Variants in PRG2 observed in about 807,000 individuals in gnomAD.
The protein encoded by PRG2 is bone marrow proteoglycan.
Under a neutral mutation model 24.7 loss-of-function variants are expected in PRG2, and 23 were observed. That is an observed-to-expected ratio of 0.93 (90% CI 0.67 to 1.32). The LOEUF is 1.32. PRG2 is among the 40% of genes most tolerant of loss of function. The probability of loss-of-function intolerance (pLI) is 0.00; values close to 1 mark genes in which losing one functional copy is unlikely to be tolerated. For missense variants in PRG2, 271 were observed against 280.9 expected (o/e 0.96, Z 0.25); for synonymous variants, 104 against 99.8 (o/e 1.04, Z -0.25).
chr11:57,390,553 A>G, intron 1 of PRG2, 43 bp downstream of exon 1: 3 of 981,080 alleles, frequency 3.1e-6, no homozygotes, highest in Non-Finnish European at 3.6e-6. Flanking sequence ...CTCCTGGGAG[A>G]ATAAACTGTC....
rs769026527 is a variant in PRG2, at chr11:57,387,429, C to T, written c.*46G>A. 9.2e-6 allele frequency: 14 copies of T among 1,515,590 alleles called. No homozygotes were observed. Among genetic ancestry groups the T allele is most frequent in the African/African-American group, 1.4e-5 (1 of 72,262 alleles). 93.9% of individuals were successfully genotyped at this position (1,515,590 alleles called of 1,614,324 possible). A position where few individuals can be genotyped will look rare whatever the true frequency, so the allele number is the denominator to read the frequency against. ...GGGATGGCAAGCAGAGGAGGGGAGGCAGCTGCCCAGGAGAGGGCAGCTCTG... is the reference window on the plus strand; with the variant it reads ...GGGATGGCAAGCAGAGGAGGGGAGGTAGCTGCCCAGGAGAGGGCAGCTCTG... On this transcript the variant is annotated 3_prime_UTR_variant, in exon 6 of 6. Transcript: ENST00000311862.
intron 4 of PRG2, among the ~76,000 whole-genome samples, chr11:57,388,224 G>C (rs552215310): frequency 8.8e-4 from 133 of 151,950 alleles, no homozygotes; most frequent in African/African-American, 3.1e-3. Flanking sequence ...GCCCAGGCTG[G>C]AGTGCAATGG....
chr11:57,387,571 G>A (rs1857069018), intron 5 of PRG2, 38 bp from the exon 6 acceptor site: 1 of 1,591,532 alleles, frequency 6.3e-7, no homozygotes, highest in South Asian at 1.1e-5. Flanking sequence ...TCAGCCTCTT[G>A]TCCATCCCAA....
At chr11:57,389,616 T>G (rs1275183745) in intron 2 of PRG2, among the ~76,000 whole-genome samples, 1 of 152,118 alleles carries the variant, frequency 6.6e-6, no homozygotes, top group African/African-American at 2.4e-5. Flanking sequence ...CTAAGAGAGT[T>G]AAAGGAGAGA....
rs377012443 is a variant in PRG2, at chr11:57,387,332, G to C, written c.*143C>G. 1 of 711,428 alleles carries C rather than the reference G, an allele frequency of 1.4e-6. No homozygotes were observed. The highest frequency in any genetic ancestry group is 2.4e-6 in the Non-Finnish European group (1 of 417,794). The allele number at this position is 711,428 out of a possible 1,614,324, so 44.1% of individuals were successfully genotyped here. Reference sequence around the variant, plus strand: ...GAAGTTTCAATGAGGGCTAAGCAGAGTGGATCCGCGATCAGAGGAGAAAAT... The same window carrying C: ...GAAGTTTCAATGAGGGCTAAGCAGACTGGATCCGCGATCAGAGGAGAAAAT... On this transcript the variant is annotated 3_prime_UTR_variant, in exon 6 of 6. Transcript: ENST00000311862.
chr11:57,389,582 A>G (rs937889561), intron 2 of PRG2, among the ~76,000 whole-genome samples: 1 of 152,194 alleles, frequency 6.6e-6, no homozygotes, highest in Non-Finnish European at 1.5e-5. Flanking sequence ...ATGGGTATAC[A>G]ATACCACCTA....
intron 2 of PRG2, 140 bp from the exon 3 acceptor site, chr11:57,389,457 T>C (rs1857116832): frequency 4.1e-6 from 4 of 974,718 alleles, no homozygotes; most frequent in Admixed American, 2.8e-5. Flanking sequence ...CCAGTCTCTA[T>C]GAGGGGAACC....
rs1857093317 is a variant in PRG2 at position 57,388,601 on chromosome 11, C to G, written c.474G>C (p.Trp158Cys). The G allele has an allele frequency of 6.2e-7, 1 of 1,613,934 alleles. No individual in the cohort carries two copies. The highest frequency in any genetic ancestry group is 2.2e-5 in the East Asian group (1 of 44,880). The change falls in exon 4 of 6, where the codon TGG (tryptophan) becomes TGC (cysteine). Residue 158 changes from tryptophan (W) to cysteine (C), a missense_variant. Trp to Cys is a radical substitution (Grantham distance 215). Transcript: ENST00000311862. Reference sequence around the variant, plus strand: ...CCGAGCCTGTGATCCTGCCTCCAATCCAGACTTGACCCTGGTTGAGCGCGC... The same window carrying G: ...CCGAGCCTGTGATCCTGCCTCCAATGCAGACTTGACCCTGGTTGAGCGCGC... ...SVSALNQGQV[W>C]IGGRITGSGR...
Position 57,388,920 on chromosome 11 carries a change from A to G in PRG2, c.366+90T>C, listed in dbSNP as rs144271231. On this transcript the variant is annotated intron_variant, in intron 3 of 5. Coordinates refer to ENST00000311862, the MANE Select transcript of PRG2 (RefSeq NM_002728.6). ...TCTACTGACACCCCCAGGGCCCTCA[A>G]TGGGAAAAAGAGCCAGTGATAGCAA... 1.4e-4 allele frequency: 216 copies of G among 1,513,362 alleles called. No individual in the cohort carries two copies. In the African/African-American group the frequency reaches 2.4e-3, roughly 17 times the overall value. 93.7% of individuals were successfully genotyped at this position (1,513,362 alleles called of 1,614,324 possible).
chr11:57,388,385 C>G (rs1857088681), intron 4 of PRG2, among the ~76,000 whole-genome samples, 192 bp downstream of exon 4: 2 of 152,062 alleles, frequency 1.3e-5, no homozygotes, highest in South Asian at 4.1e-4. Context: ...AACTTGGACC[C>G]AAACCTCCTG....
In PRG2 at chr11:57,388,962, C is replaced by T. The variant is rs369796883; in HGVS notation, c.366+48G>A. The T allele has an allele frequency of 8.2e-6, 13 of 1,582,140 alleles. No homozygotes were observed. The Middle Eastern group carries it at 5.7e-4, about 69-fold the overall frequency. Reference sequence around the variant, plus strand: ...TGATAGCAATGCTGGGGGCATATCCCACACCCGTTCCATGCTCCCACCTCA... The same window carrying T: ...TGATAGCAATGCTGGGGGCATATCCTACACCCGTTCCATGCTCCCACCTCA... On this transcript the variant is annotated intron_variant, in intron 3 of 5. Coordinates refer to ENST00000311862, the MANE Select transcript of PRG2 (RefSeq NM_002728.6).
At chr11:57,390,071 G>T in intron 1 of PRG2, 115 bp from the exon 2 acceptor site, 1 of 871,302 alleles carries the variant, frequency 1.1e-6, no homozygotes, top group Non-Finnish European at 1.7e-6. Context: ...GGCCTGAATA[G>T]AAATCAGGAT....
At position 57,387,772 on chromosome 11, in the gene PRG2, C is replaced by T. The variant is rs374576971; in HGVS notation, c.592G>A (p.Val198Met). Residue 198 changes from valine (V) to methionine (M), a missense_variant, in exon 5 of 6, where the codon GTG (valine) becomes ATG (methionine). By Grantham distance (21) the Val-to-Met change is conservative. Coordinates refer to ENST00000311862, the MANE Select transcript of PRG2 (RefSeq NM_002728.6). ...HQPWSRGGHCVALCTRGGHWR... is the reference protein window; with the variant it reads ...HQPWSRGGHCMALCTRGGHWR... ...ACCTCACCTCGGGTACACAGGGCCA[C>T]GCAGTGACCACCGCGGGACCAGGGC... 210 of 1,587,838 alleles carry T rather than the reference C, an allele frequency of 1.3e-4. 1 individual carries two copies. The highest frequency in any genetic ancestry group is 8.7e-4 in the Admixed American group (48 of 55,066).
At chr11:57,389,351 A>G (rs2134474448) in intron 2 of PRG2, 34 bp from the exon 3 acceptor site, 1 of 1,588,868 alleles carries the variant, frequency 6.3e-7, no homozygotes, top group Non-Finnish European at 8.5e-7. Flanking sequence ...TCCTTCCTTC[A>G]CATCTCCCCT....
chr11:57,387,852 C>T lies in PRG2; in HGVS notation c.512G>A (p.Arg171His), dbSNP rs1461598717. The T allele has an allele frequency of 8.3e-6, 13 of 1,568,988 alleles. No individual in the cohort carries two copies. Among genetic ancestry groups the T allele is most frequent in the South Asian group, 4.7e-5 (4 of 85,128 alleles). Residue 171 changes from arginine to histidine, a missense_variant, in exon 5 of 6, where the codon CGC (arginine) becomes CAC (histidine). By Grantham distance (29) the Arg-to-His change is conservative (BLOSUM62 0). Coordinates refer to ENST00000311862, the MANE Select transcript of PRG2 (RefSeq NM_002728.6). ...GRITGSGRCR[R>H]FQWVDGSRWN... is the part of the protein sequence containing the mutation. ...GCGGCTGCCGTCAACCCACTGAAAG[C>T]GTCTGCAGCGACCCTGGAGAAAGCA...
intron 2 of PRG2, 67 bp from the exon 3 acceptor site, chr11:57,389,384 C>G (rs1857115289): frequency 5.3e-6 from 8 of 1,499,776 alleles, no homozygotes; most frequent in Middle Eastern, 1.9e-4. Flanking sequence ...GAACCACAGA[C>G]AGCTCACACC....
chr11:57,390,220 G>A (rs1326745652), intron 1 of PRG2, among the ~76,000 whole-genome samples: 1 of 152,126 alleles, frequency 6.6e-6, no homozygotes, highest in Non-Finnish European at 1.5e-5. Context: ...GTAAAGAAGG[G>A]ACTATTACGC....
intron 3 of PRG2, 108 bp downstream of exon 3, chr11:57,388,902 A>C (rs1242884916): frequency 6.8e-7 from 1 of 1,468,324 alleles, no homozygotes; most frequent in East Asian, 2.3e-5. Flanking sequence ...GGTTCTACTG[A>C]CACCCCCAGG....
At position 57,387,575 on chromosome 11, in the gene PRG2, A is replaced by G. The variant is rs773801639; in HGVS notation, c.611-42T>C. Reference sequence around the variant, plus strand: ...GAAAGGGACTTTCAGCCTCTTGTCCATCCCAACTCAACCCACAGGAGGGCC... The same window carrying G: ...GAAAGGGACTTTCAGCCTCTTGTCCGTCCCAACTCAACCCACAGGAGGGCC... On this transcript the variant is annotated intron_variant, in intron 5 of 5. Transcript: ENST00000311862. The G allele has an allele frequency of 3.2e-6, 5 of 1,584,288 alleles. No individual in the cohort carries two copies. In the South Asian group the frequency reaches 5.6e-5, roughly 18 times the overall value.
Sources: gnomAD v4.1 joint callset for allele counts (sites outside exome capture counted in the v4.1 genomes callset) on GRCh38, gnomAD v4.1.1 for gene constraint, MANE v1.5 for transcripts, NCBI Gene and HGNC (gene_info 2026-07-23, HGNC 2026-07-21) for gene names.